Variants in GAB2 observed in about 807,000 individuals in gnomAD.
GAB2 encodes the protein GRB2 associated binding protein 2.
Under a neutral mutation model 65.5 loss-of-function variants are expected in GAB2, and 26 were observed. The observed-to-expected ratio is 0.40, with a 90% CI of 0.29 to 0.55. The LOEUF (loss-of-function observed/expected upper bound fraction) is 0.55. GAB2 is among the 20% of genes least tolerant of loss of function. The pLI is 0.53. For synonymous variants in GAB2, 321 were observed against 329.6 expected (o/e 0.97, Z 0.28); for missense variants, 884 against 875.8 (o/e 1.01, Z -0.12).
At chr11:78,400,032 G>C (rs890202030) in intron 1 of GAB2, among the ~76,000 whole-genome samples, 2 of 152,302 alleles carry the variant, frequency 1.3e-5, no homozygotes, top group South Asian at 4.1e-4. Flanking sequence ...AAGACTCACT[G>C]AGTTAGTGAT....
chr11:78,297,336 T>A (rs1038150835), intron 1 of GAB2, among the ~76,000 whole-genome samples: 3 of 152,070 alleles, frequency 2.0e-5, no homozygotes, highest in African/African-American at 7.2e-5. Flanking sequence ...GAAAATAACA[T>A]ATTTTTAAGT....
chr11:78,247,301 G>A (rs1865325392), intron 3 of GAB2, among the ~76,000 whole-genome samples: 1 of 152,154 alleles, frequency 6.6e-6, no homozygotes, highest in Non-Finnish European at 1.5e-5. Flanking sequence ...CAGTGGGAAG[G>A]AAAGCCTGTG....
chr11:78,285,455 A>G (rs1866454035), intron 1 of GAB2, among the ~76,000 whole-genome samples: 1 of 152,102 alleles, frequency 6.6e-6, no homozygotes, highest in Admixed American at 6.6e-5. Context: ...TTCCACCACA[A>G]CACCTTCTCT....
At chr11:78,388,367 T>A (rs973057371) in intron 1 of GAB2, among the ~76,000 whole-genome samples, 4 of 148,864 alleles carry the variant, frequency 2.7e-5, no homozygotes, top group Non-Finnish European at 5.9e-5. Flanking sequence ...CGCTCTGTTG[T>A]CTAGGGTGGA....
rs1330078501 is a variant in GAB2, at chr11:78,309,971, T to TGCGC, written c.76-29074_76-29071dup. 1.2e-3 allele frequency among the ~76,000 whole-genome samples: 143 copies of TGCGC among 120,006 alleles called. 2 individuals are homozygous for TGCGC. The highest frequency in any genetic ancestry group is 4.9e-3 in the African/African-American group (137 of 27,920). The allele number at this position is 120,006 out of a possible 152,430, so 78.7% of individuals were successfully genotyped here. A position where few individuals can be genotyped will look rare whatever the true frequency, so the allele number is the denominator to read the frequency against. On this transcript the variant is annotated intron_variant, in intron 1 of 9. Coordinates refer to ENST00000361507, the MANE Select transcript of GAB2 (RefSeq NM_080491.3). ...GTGTGTGTGTGTGTGTGTGTGTGTG[T>TGCGC]GCGCGCGCGCCTGTGTGTGTGGTGG...
intron 1 of GAB2, among the ~76,000 whole-genome samples, chr11:78,314,764 G>C (rs1855567546): frequency 6.6e-6 from 1 of 152,180 alleles, no homozygotes; most frequent in Non-Finnish European, 1.5e-5. Context: ...GTTATGCAAA[G>C]GAACAAAAAC....
intron 1 of GAB2, among the ~76,000 whole-genome samples, chr11:78,303,777 G>A (rs1299035547): frequency 6.7e-6 from 1 of 149,500 alleles, no homozygotes; most frequent in Non-Finnish European, 1.5e-5. Context: ...TTTACTGTTT[G>A]ATTGAATTTA....
chr11:78,280,648 T>C lies in GAB2; in HGVS notation c.329A>G (p.Gln110Arg), dbSNP rs1176492079. 1.9e-6 allele frequency: 3 copies of C among 1,614,082 alleles called. No individual in the cohort carries two copies. The highest frequency in any genetic ancestry group is 2.5e-6 in the Non-Finnish European group (3 of 1,180,012). Residue 110 changes from glutamine (Q) to arginine (R), a missense_variant, in exon 2 of 10, where the codon CAG becomes CGG. By Grantham distance (43) the Gln-to-Arg change is conservative. Transcript: ENST00000361507. The part of the protein sequence containing the change: ...ETEEDMNKWV[Q>R]SICQICGFNQ... The stretch of plus-strand genomic sequence containing the variant: ...GAAGCCACAGATCTGGCAGATGCTC[T>C]GGACCCACTTATTCATGTCCTCTTC...
At chr11:78,270,466 A>C (rs1303101736) in intron 2 of GAB2, among the ~76,000 whole-genome samples, 1 of 152,156 alleles carries the variant, frequency 6.6e-6, no homozygotes, top group East Asian at 1.9e-4. Context: ...GGTTGGGAAA[A>C]GTGAGGAGTC....
At chr11:78,254,578 T>A (rs1477007108) in intron 2 of GAB2, among the ~76,000 whole-genome samples, 2 of 152,158 alleles carry the variant, frequency 1.3e-5, no homozygotes, top group Admixed American at 6.5e-5. Flanking sequence ...GACAGGAGGG[T>A]TGCTTGAGGT....
At position 78,280,687 on chromosome 11, in the gene GAB2, A is replaced by C; in HGVS notation, c.290T>G (p.Leu97Arg). 1 of 1,614,086 alleles carries C rather than the reference A, an allele frequency of 6.2e-7. No homozygotes were observed. The highest frequency in any genetic ancestry group is 8.5e-7 in the Non-Finnish European group (1 of 1,179,940). ...CATGTCCTCTTCTGTCTCAGCCACC[A>C]GGTAAAAGGTGCGTTCACTGGTCTT... ...DIKTSERTFY[L>R]VAETEEDMNK... The change falls in exon 2 of 10, where the codon CTG becomes CGG. Residue 97 changes from leucine (L) to arginine (R), a missense_variant. Transcript: ENST00000361507.
At chr11:78,326,827 A>T (rs1855830816) in intron 1 of GAB2, among the ~76,000 whole-genome samples, 1 of 152,144 alleles carries the variant, frequency 6.6e-6, no homozygotes, top group Admixed American at 6.5e-5. Context: ...CACAGTTCTG[A>T]CCCGGTAAAA....
Position 78,223,691 on chromosome 11 carries a change from A to T in GAB2, c.1303-15T>A. 6.4e-7 allele frequency: 1 copy of T among 1,571,024 alleles called. No homozygotes were observed. The highest frequency in any genetic ancestry group is 8.6e-7 in the Non-Finnish European group (1 of 1,157,314). ...ATTTTCCCTGGCTAGGGAGAGGAAC[A>T]GTGAAAGAAATACAGCTGTTACTAG... On this transcript the variant is annotated splice_polypyrimidine_tract_variant and intron_variant, in intron 5 of 9. Transcript: ENST00000361507.
At chr11:78,290,062 C>T (rs1267199757) in intron 1 of GAB2, among the ~76,000 whole-genome samples, 1 of 151,702 alleles carries the variant, frequency 6.6e-6, no homozygotes, top group African/African-American at 2.4e-5. Context: ...AAATGTTAAC[C>T]AATGCTGTGC....
intron 1 of GAB2, among the ~76,000 whole-genome samples, chr11:78,360,293 G>C (rs1183003883): frequency 6.6e-6 from 1 of 151,830 alleles, no homozygotes; most frequent in Non-Finnish European, 1.5e-5. Flanking sequence ...TAAGGGCCTG[G>C]CATGATAGCT....
chr11:78,362,636 C>T (rs1406739467), intron 1 of GAB2, among the ~76,000 whole-genome samples: 1 of 152,008 alleles, frequency 6.6e-6, no homozygotes, highest in African/African-American at 2.4e-5. Context: ...GTATTAACCA[C>T]AATAAATGTG....
chr11:78,254,818 A>G (rs1865552939), intron 2 of GAB2, among the ~76,000 whole-genome samples: 1 of 151,574 alleles, frequency 6.6e-6, no homozygotes, highest in South Asian at 2.1e-4. Flanking sequence ...AAAAAGAAAA[A>G]AGAAAAAAAA....
chr11:78,219,180 T>C lies in GAB2; in HGVS notation c.*92A>G. The C allele has an allele frequency of 1.7e-6, 2 of 1,186,568 alleles. No homozygotes were observed. Among genetic ancestry groups the C allele is most frequent in the Non-Finnish European group, 1.2e-6 (1 of 823,722 alleles). 73.5% of individuals were successfully genotyped at this position (1,186,568 alleles called of 1,614,324 possible). ...TGAGACTGGCAGAGTAGAGAGGAGG[T>C]GGATGGGAGGAAGAACGGGAGAGGG... On this transcript the variant is annotated 3_prime_UTR_variant, in exon 10 of 10. Transcript: ENST00000361507.
chr11:78,241,668 C>T (rs1234345068), intron 3 of GAB2, among the ~76,000 whole-genome samples: 3 of 148,312 alleles, frequency 2.0e-5, no homozygotes, highest in African/African-American at 7.4e-5. Flanking sequence ...AAATAAAAAA[C>T]ACAACAGAGA....
Sources: allele counts gnomAD v4.1 joint callset (sites outside exome capture counted in the v4.1 genomes callset), GRCh38; gene constraint gnomAD v4.1.1; transcripts MANE v1.5; gene names NCBI Gene and HGNC (gene_info 2026-07-23, HGNC 2026-07-21).